The following RBM19 variants were observed in gnomAD, a reference collection of about 807,000 sequenced individuals.
The protein encoded by RBM19 is RNA binding motif protein 19, also known as probable RNA-binding protein 19.
In RBM19, 94 loss-of-function variants were observed where a neutral mutation model predicts 116.8. The ratio of observed to expected loss-of-function variants is 0.80; its 90% confidence interval spans 0.68 to 0.95. The LOEUF (loss-of-function observed/expected upper bound fraction) is 0.95. RBM19 is among the 40% of genes least tolerant of loss of function. The pLI is 0.00. For missense variants in RBM19, 1,161 were observed against 1,220.7 expected, an observed-to-expected ratio of 0.95 and a Z score of 0.73; for synonymous variants, 475 against 494.1, an observed-to-expected ratio of 0.96 and a Z score of 0.51.
At position 113,960,187 on chromosome 12, in the gene RBM19, G is replaced by C; in HGVS notation, c.220-9C>G. 1 of 1,612,926 alleles carries C rather than the reference G, an allele frequency of 6.2e-7. No individual in the cohort carries two copies. The highest frequency in any genetic ancestry group is 2.2e-5 in the East Asian group (1 of 44,870). ...GACTTGCAGAACTCCACCTGTGTGGGAAAGAGAGTGATTTTCACACCTGCC... is the reference window on the plus strand; with the variant it reads ...GACTTGCAGAACTCCACCTGTGTGGCAAAGAGAGTGATTTTCACACCTGCC... On this transcript the variant is annotated splice_polypyrimidine_tract_variant and intron_variant, in intron 2 of 23. Transcript: ENST00000261741.
intron 21 of RBM19, among the ~76,000 whole-genome samples, chr12:113,907,067 G>A (rs1387300083): frequency 6.6e-6 from 1 of 152,072 alleles, no homozygotes; most frequent in Non-Finnish European, 1.5e-5. Flanking sequence ...AGGCAGCATG[G>A]CCCTGCCCAC....
intron 21 of RBM19, among the ~76,000 whole-genome samples, chr12:113,907,874 T>C (rs1484858727): frequency 6.6e-6 from 1 of 152,162 alleles, no homozygotes; most frequent in Non-Finnish European, 1.5e-5. Context: ...TTGCAAGCTC[T>C]TAACTCTGCT....
intron 23 of RBM19, among the ~76,000 whole-genome samples, chr12:113,829,927 C>T (rs1875225205): frequency 6.6e-6 from 1 of 152,252 alleles, no homozygotes. Context: ...GGGACCACTC[C>T]TCAGGCGCCT....
chr12:113,898,837 G>A lies in RBM19; in HGVS notation c.2558+16132C>T, dbSNP rs1051099032. On this transcript the variant is annotated intron_variant, in intron 21 of 23. Transcript: ENST00000261741. This position sits in a 1 kb window ranked among gnomAD's most constrained non-coding sequence, Gnocchi z 4.3. ...ATTCTGAATTTAGTTTCTGCAAAAC[G>A]ACATCATCCATCACGCTAAAATAAT... 2.0e-5 allele frequency among the ~76,000 whole-genome samples: 3 copies of A among 152,184 alleles called. No individual in the cohort carries two copies. Among genetic ancestry groups the A allele is most frequent in the Non-Finnish European group, 4.4e-5 (3 of 68,038 alleles).
intron 21 of RBM19, among the ~76,000 whole-genome samples, chr12:113,883,437 A>T (rs1039610511): frequency 1.3e-5 from 2 of 152,270 alleles, no homozygotes; most frequent in African/African-American, 4.8e-5. Context: ...GAAGGGGCTT[A>T]TCAAATACTG....
At chr12:113,852,575 A>T (rs755303651) in intron 22 of RBM19, among the ~76,000 whole-genome samples, 78 of 152,170 alleles carry the variant, frequency 5.1e-4, no homozygotes, top group Non-Finnish European at 1.0e-3. Flanking sequence ...GACAATGGAC[A>T]CCTAGGTTTC....
intron 23 of RBM19, among the ~76,000 whole-genome samples, chr12:113,823,798 AG>A (rs111398263): frequency 2.1e-4 from 32 of 152,182 alleles, no homozygotes; most frequent in African/African-American, 7.5e-4. Context: ...CCCTTCAGAG[AG>A]GCTGGACCAA....
At chr12:113,938,846 A>G (rs1021012228) in intron 15 of RBM19, among the ~76,000 whole-genome samples, 12 of 151,924 alleles carry the variant, frequency 7.9e-5, no homozygotes, top group African/African-American at 2.9e-4. Flanking sequence ...CACAGATCAG[A>G]CTCCCTAGAG....
downstream of RBM19, chr12:113,817,333 C>T (rs1310977975): frequency 6.6e-6 from 1 of 152,344 alleles, no homozygotes; most frequent in African/African-American, 2.4e-5. Flanking sequence ...AGCACAGTGT[C>T]TCGCACACAG....
At chr12:113,921,877 C>T (rs138700590) in intron 18 of RBM19, among the ~76,000 whole-genome samples, 9 of 152,328 alleles carry the variant, frequency 5.9e-5, no homozygotes, top group Non-Finnish European at 8.8e-5. Flanking sequence ...TCTCCGCCAC[C>T]ATCCTCTATG....
intron 23 of RBM19, among the ~76,000 whole-genome samples, chr12:113,832,724 A>T (rs7974227): frequency 0.15 from 22,976 of 151,970 alleles, 2,048 homozygotes; most frequent in Middle Eastern, 0.26. Flanking sequence ...CTTACAGAAA[A>T]CCTCTGTCTC....
At chr12:113,838,989 C>A (rs993960705) in intron 23 of RBM19, among the ~76,000 whole-genome samples, 1 of 152,220 alleles carries the variant, frequency 6.6e-6, no homozygotes, top group Non-Finnish European at 1.5e-5. Flanking sequence ...CCAGGCCCTG[C>A]CGAATGGTTA....
chr12:113,902,813 T>C (rs1881787365), intron 21 of RBM19, among the ~76,000 whole-genome samples: 1 of 152,198 alleles, frequency 6.6e-6, no homozygotes, highest in South Asian at 2.1e-4. Context: ...ACATTTGGGT[T>C]GTTTCCAAGT....
chr12:113,921,051 G>T (rs113945914), intron 18 of RBM19, among the ~76,000 whole-genome samples: 1 of 152,166 alleles, frequency 6.6e-6, no homozygotes, highest in Admixed American at 6.5e-5. Context: ...GCCTCCACAC[G>T]TAATGCCTAA....
chr12:113,867,648 C>T lies in RBM19; in HGVS notation c.2559-8752G>A, dbSNP rs201239193. Among the ~76,000 whole-genome samples, 19 of 152,316 alleles carry T rather than the reference C, an allele frequency of 1.2e-4. No individual in the cohort carries two copies. In the East Asian group the frequency reaches 1.9e-3, roughly 15 times the overall value. On this transcript the variant is annotated intron_variant, in intron 21 of 23. Transcript: ENST00000261741. ...AAATTAGGAAATTTAAGGCCAGCTA[C>T]GGTGGCTCACACCTGTAATCCTAGC... is the stretch of plus-strand genomic sequence containing the variant.
At chr12:113,853,150 G>A (rs751191520) in intron 22 of RBM19, among the ~76,000 whole-genome samples, 8 of 152,244 alleles carry the variant, frequency 5.3e-5, no homozygotes, top group Non-Finnish European at 8.8e-5. Context: ...CCAGGCTGGG[G>A]AGGGCCTGGG....
chr12:113,823,865 C>G (rs1032155454), intron 23 of RBM19, among the ~76,000 whole-genome samples: 1 of 152,086 alleles, frequency 6.6e-6, no homozygotes, highest in Non-Finnish European at 1.5e-5. Flanking sequence ...TCTTGGAGGC[C>G]AGGCTAATGG....
chr12:113,913,554 CAG>C (rs1882584090), intron 21 of RBM19, among the ~76,000 whole-genome samples: 1 of 152,192 alleles, frequency 6.6e-6, no homozygotes. Flanking sequence ...TTAGAACAAA[CAG>C]AGGGGAAAAG....
rs749066224 is a variant in RBM19, at chr12:113,915,093, G to C, written c.2442-8C>G. 3.1e-6 allele frequency: 5 copies of C among 1,611,142 alleles called. No homozygotes were observed. The highest frequency in any genetic ancestry group is 4.2e-6 in the Non-Finnish European group (5 of 1,177,310). ...GCCAATGTCACGGCTGGCCTGGAGT[G>C]GTGGGGGGAGAGGGTCCAAGTTATT... On this transcript the variant is annotated splice_polypyrimidine_tract_variant and splice_region_variant and intron_variant, in intron 20 of 23. Transcript: ENST00000261741.
Sources: allele counts gnomAD v4.1 joint callset (sites outside exome capture counted in the v4.1 genomes callset), GRCh38; gene constraint gnomAD v4.1.1; non-coding constraint Gnocchi (gnomAD v3.1); transcripts MANE v1.5; gene names NCBI Gene and HGNC (gene_info 2026-07-23, HGNC 2026-07-21).